DLGAP1: variants seen among roughly 807,000 people sequenced by gnomAD.
DLGAP1 encodes disks large-associated protein 1.
A neutral mutation model predicts 90.8 loss-of-function variants in DLGAP1; 11 were observed. The observed-to-expected ratio is 0.12, with a 90% CI of 0.08 to 0.20. The LOEUF is 0.20. Ranked by LOEUF, DLGAP1 falls within the 10% of genes least tolerant of loss-of-function variation. The probability of loss-of-function intolerance (pLI) is 1.00; values close to 1 mark genes in which losing one functional copy is unlikely to be tolerated. For synonymous variants in DLGAP1, 558 were observed against 540.7 expected (o/e 1.03, Z -0.44); for missense variants, 1,050 against 1,333.8 (o/e 0.79, Z 3.31).
chr18:4,166,817 G>C lies in DLGAP1; in HGVS notation c.-266-15530C>G, dbSNP rs77379350. Among the ~76,000 whole-genome samples, 4 of 152,172 alleles carry C rather than the reference G, an allele frequency of 2.6e-5. No individual in the cohort carries two copies. In the South Asian group the frequency reaches 8.3e-4, roughly 32 times the overall value. On this transcript the variant is annotated intron_variant, in intron 1 of 12. Transcript: ENST00000315677. The stretch of plus-strand genomic sequence containing the variant: ...TATTGTATGTTTCCATTTACACAAG[G>C]TTCCTAAAATAGGCAAATTCAGAGA...
At chr18:4,114,293 C>G (rs2076024892) in intron 2 of DLGAP1, among the ~76,000 whole-genome samples, 1 of 151,930 alleles carries the variant, frequency 6.6e-6, no homozygotes, top group South Asian at 2.1e-4. Context: ...TATTTTGTAG[C>G]TCTCCTTGTA....
intron 1 of DLGAP1, among the ~76,000 whole-genome samples, chr18:4,416,987 G>A (rs1200768739): frequency 6.6e-6 from 1 of 152,194 alleles, no homozygotes; most frequent in Non-Finnish European, 1.5e-5. Context: ...CAGAAGTCAG[G>A]AGCATAGTGT....
intron 2 of DLGAP1, among the ~76,000 whole-genome samples, chr18:4,061,650 T>TTTC (rs2075300309): frequency 6.6e-6 from 1 of 152,176 alleles, no homozygotes; most frequent in Non-Finnish European, 1.5e-5. Context: ...ACAATTTGGA[T>TTTC]TTCTTTGGAT....
At chr18:4,032,271 A>T (rs761397000) in intron 2 of DLGAP1, among the ~76,000 whole-genome samples, 1 of 152,176 alleles carries the variant, frequency 6.6e-6, no homozygotes, top group Admixed American at 6.5e-5. Context: ...ACAAGCTTTG[A>T]TGTCTTTTGG....
intron 5 of DLGAP1, among the ~76,000 whole-genome samples, chr18:3,769,487 G>A (rs1034998357): frequency 2.6e-5 from 4 of 152,088 alleles, no homozygotes; most frequent in South Asian, 2.1e-4. Context: ...CCCAAATTGC[G>A]CACAACCAGG....
intron 3 of DLGAP1, among the ~76,000 whole-genome samples, chr18:3,958,192 A>C (rs2073120588): frequency 6.6e-6 from 1 of 152,114 alleles, no homozygotes; most frequent in Non-Finnish European, 1.5e-5. Context: ...TACAGGCATA[A>C]GCCATCACTC....
chr18:4,299,085 CAAA>C (rs35327176), intron 1 of DLGAP1, among the ~76,000 whole-genome samples: 2 of 76,334 alleles, frequency 2.6e-5, no homozygotes, highest in Non-Finnish European at 2.7e-5. Flanking sequence ...TGTCTCAAGA[CAAA>C]AAAAAAAAAA....
intron 1 of DLGAP1, among the ~76,000 whole-genome samples, chr18:4,258,970 T>C (rs141429491): frequency 3.4e-4 from 52 of 152,340 alleles, no homozygotes; most frequent in African/African-American, 1.2e-3. Flanking sequence ...CAGTTAGGAA[T>C]ACTGCCAAGC....
chr18:3,955,180 G>A (rs1299069114), intron 3 of DLGAP1, among the ~76,000 whole-genome samples: 1 of 152,216 alleles, frequency 6.6e-6, no homozygotes, highest in East Asian at 1.9e-4. Flanking sequence ...AGAGTTTATG[G>A]GGCAATGGGT....
chr18:3,806,264 T>C (rs1221885075), intron 5 of DLGAP1, among the ~76,000 whole-genome samples: 1 of 152,228 alleles, frequency 6.6e-6, no homozygotes. Context: ...TCCTTTCTTA[T>C]GCCAGGCAAT....
At chr18:3,886,903 C>T (rs1382410880) in intron 3 of DLGAP1, among the ~76,000 whole-genome samples, 1 of 152,166 alleles carries the variant, frequency 6.6e-6, no homozygotes, top group Admixed American at 6.5e-5. Flanking sequence ...GGCTGGAACG[C>T]AGCTGTGGGG....
chr18:4,081,098 G>A (rs1412577067), intron 2 of DLGAP1, among the ~76,000 whole-genome samples: 1 of 152,084 alleles, frequency 6.6e-6, no homozygotes, highest in East Asian at 1.9e-4. Context: ...GTGTTGGCCA[G>A]GCTGGTCTCG....
At chr18:4,149,382 T>C (rs1288743298) in intron 2 of DLGAP1, among the ~76,000 whole-genome samples, 3 of 152,234 alleles carry the variant, frequency 2.0e-5, no homozygotes, top group Non-Finnish European at 4.4e-5. Context: ...ACAAAACTTT[T>C]TTTTTTCTTG....
At chr18:4,112,558 T>C (rs1232585238) in intron 2 of DLGAP1, among the ~76,000 whole-genome samples, 2 of 152,184 alleles carry the variant, frequency 1.3e-5, no homozygotes, top group Non-Finnish European at 2.9e-5. Flanking sequence ...CCTTCAGTTC[T>C]GTCAATTGCT....
chr18:4,391,709 C>T (rs1272125485), intron 1 of DLGAP1, among the ~76,000 whole-genome samples: 2 of 109,732 alleles, frequency 1.8e-5, no homozygotes, highest in Non-Finnish European at 2.0e-5. Context: ...TTTATTTTGC[C>T]TCTTGGTCAG....
chr18:3,883,872 C>T (rs1365686105), intron 3 of DLGAP1, among the ~76,000 whole-genome samples: 1 of 152,170 alleles, frequency 6.6e-6, no homozygotes, highest in Admixed American at 6.5e-5. Flanking sequence ...ACTCACTGGG[C>T]AATATCGTAC....
chr18:3,956,525 T>C (rs1257278152), intron 3 of DLGAP1, among the ~76,000 whole-genome samples: 1 of 152,134 alleles, frequency 6.6e-6, no homozygotes, highest in East Asian at 1.9e-4. Flanking sequence ...ACTTTTTGTA[T>C]TTTTAGTAGA....
intron 7 of DLGAP1, among the ~76,000 whole-genome samples, chr18:3,691,547 A>G (rs1162903153): frequency 1.3e-5 from 2 of 152,180 alleles, no homozygotes; most frequent in African/African-American, 4.8e-5. Context: ...TATTGTAACA[A>G]TATAAAGATA....
intron 2 of DLGAP1, among the ~76,000 whole-genome samples, chr18:4,109,907 G>C (rs1568402115): frequency 6.6e-6 from 1 of 151,258 alleles, no homozygotes; most frequent in Middle Eastern, 3.4e-3. Context: ...GTTTTTTGTG[G>C]GGACAGGACT....
Sources: allele counts gnomAD v4.1 joint callset (sites outside exome capture counted in the v4.1 genomes callset), GRCh38; gene constraint gnomAD v4.1.1; transcripts MANE v1.5; gene names NCBI Gene and HGNC (gene_info 2026-07-23, HGNC 2026-07-21).